Variants in IFRD2 observed in about 807,000 individuals in gnomAD.
IFRD2 encodes the protein interferon related developmental regulator 2.
In IFRD2, 35 loss-of-function variants were observed where a neutral mutation model predicts 49.2. The observed-to-expected ratio is 0.71, with a 90% CI of 0.54 to 0.94. The LOEUF (loss-of-function observed/expected upper bound fraction) is 0.94, where lower values mean the gene tolerates loss of function less well. IFRD2 is among the 40% of genes least tolerant of loss of function. IFRD2 has a pLI of 0.00. For missense variants in IFRD2, 561 were observed against 591.6 expected, an observed-to-expected ratio of 0.95 and a Z score of 0.54; for synonymous variants, 275 against 239.7, an observed-to-expected ratio of 1.15 and a Z score of -1.36.
chr3:50,290,128 T>G, intron 4 of IFRD2, 42 bp from the exon 5 acceptor site: 3 of 1,612,654 alleles, frequency 1.9e-6, no homozygotes, highest in Non-Finnish European at 2.5e-6. Flanking sequence ...CAAGGGCCAG[T>G]GTCTGCCCAG....
chr3:50,290,232 G>A lies in IFRD2; in HGVS notation c.326C>T (p.Pro109Leu). ...GAGGCGGCGCTCCAGCAAGAAGTCG[G>A]GGAGTAGGCGGGACGCTAGGGCCAG... ...LRLALASRLL[P>L]DFLLERRLTL... Residue 109 changes from proline to leucine, a missense_variant, in exon 4 of 12, where the codon CCC (proline) becomes CTC (leucine). Coordinates refer to ENST00000417626, the MANE Select transcript of IFRD2 (RefSeq NM_006764.5). 3.1e-6 allele frequency: 5 copies of A among 1,613,440 alleles called. No individual in the cohort carries two copies. The highest frequency in any genetic ancestry group is 1.7e-5 in the Admixed American group (1 of 59,958).
chr3:50,290,093 G>A lies in IFRD2; in HGVS notation c.389-7C>T, dbSNP rs782298767. On this transcript the variant is annotated splice_region_variant and splice_polypyrimidine_tract_variant and intron_variant, in intron 4 of 11. Coordinates refer to ENST00000417626, the MANE Select transcript of IFRD2 (RefSeq NM_006764.5). ...GCTTGTTCCTCGCCCTTCCCTGTGG[G>A]ATGCTTTCCAGTCAGCCCATGCAGC... 121 of 1,613,316 alleles carry A rather than the reference G, an allele frequency of 7.5e-5. 1 individual carries two copies. In the South Asian group the frequency reaches 1.3e-3, roughly 17 times the overall value.
In IFRD2 at chr3:50,292,209, C is replaced by T. The variant is rs1553709894; in HGVS notation, c.58+8G>A. On this transcript the variant is annotated splice_region_variant and intron_variant, in intron 1 of 11. Transcript: ENST00000417626. ...ATACAGCTGTCCCGCGCCCCCCACCCCACTCACCTCCTCCACGGCGCTGAC... is the reference window on the plus strand; with the variant it reads ...ATACAGCTGTCCCGCGCCCCCCACCTCACTCACCTCCTCCACGGCGCTGAC... 6.8e-7 allele frequency: 1 copy of T among 1,461,736 alleles called. No homozygotes were observed. The highest frequency in any genetic ancestry group is 2.5e-5 in the East Asian group (1 of 39,820). 90.5% of individuals were successfully genotyped at this position (1,461,736 alleles called of 1,614,324 possible).
At position 50,288,044 on chromosome 3, in the gene IFRD2, C is replaced by T; in HGVS notation, c.*147G>A. 1 of 722,082 alleles carries T rather than the reference C, an allele frequency of 1.4e-6. No individual in the cohort carries two copies. Among genetic ancestry groups the T allele is most frequent in the Non-Finnish European group, 2.4e-6 (1 of 422,078 alleles). The allele number at this position is 722,082 out of a possible 1,614,324, so 44.7% of individuals were successfully genotyped here. On this transcript the variant is annotated 3_prime_UTR_variant, in exon 12 of 12. Transcript: ENST00000417626. ...GGGTCAGGGTCCCAAGTGTCCGGGC[C>T]CCCAGCTACCCACCCCATGTCTGTT... is the stretch of plus-strand genomic sequence containing the variant.
At chr3:50,290,330 G>C in intron 3 of IFRD2, 36 bp from the exon 4 acceptor site, 1 of 1,604,368 alleles carries the variant, frequency 6.2e-7, no homozygotes, top group Non-Finnish European at 8.5e-7. Context: ...ATATGGGCCA[G>C]CCCTCCCTTG....
chr3:50,292,007 C>A, intron 1 of IFRD2: 2 of 567,542 alleles, frequency 3.5e-6, no homozygotes, highest in South Asian at 5.5e-5. Context: ...AGCGCGGACT[C>A]CCAACAGGCA....
intron 5 of IFRD2, 32 bp downstream of exon 5, chr3:50,289,897 G>C (rs754748974): frequency 6.2e-7 from 1 of 1,611,700 alleles, no homozygotes; most frequent in Non-Finnish European, 8.5e-7. Context: ...ATAAGGTGCA[G>C]GAAGGGTTTC....
In IFRD2 at chr3:50,290,046, G is replaced by T. The variant is rs782760429; in HGVS notation, c.429C>A (p.Gly143=). Residue 143 remains glycine, a synonymous_variant, in exon 5 of 12, where the codon GGC becomes GGA. Coordinates refer to ENST00000417626, the MANE Select transcript of IFRD2 (RefSeq NM_006764.5). ...EEQALAAAVL[G]LLCVQLGPGP... ...CAGGGCCCAGCTGCACGCAGAGCAG[G>T]CCTAGCACAGCAGCAGCCAGGGCTT... 1 of 1,613,754 alleles carries T rather than the reference G, an allele frequency of 6.2e-7. No individual in the cohort carries two copies. Among genetic ancestry groups the T allele is most frequent in the Middle Eastern group, 1.6e-4 (1 of 6,062 alleles).
rs1701628992 is a variant in IFRD2, at chr3:50,289,531, T to C, written c.695A>G (p.His232Arg). 6.3e-7 allele frequency: 1 copy of C among 1,581,952 alleles called. No individual in the cohort carries two copies. The highest frequency in any genetic ancestry group is 8.6e-7 in the Non-Finnish European group (1 of 1,164,654). The change falls in exon 7 of 12, where the codon CAC becomes CGC. Residue 232 changes from histidine (H) to arginine (R), a missense_variant. His to Arg is a conservative substitution (Grantham distance 29, BLOSUM62 0). Coordinates refer to ENST00000417626, the MANE Select transcript of IFRD2 (RefSeq NM_006764.5). ...CTGCAGGGCAGCAGAGAGCAGGCCG[T>C]GCAGGCTGGCAGGAACCACAGGACT... is the stretch of plus-strand genomic sequence containing the variant. The part of the protein sequence containing the change: ...STSPVVPASL[H>R]GLLSAALQAW...
chr3:50,289,943 C>G lies in IFRD2; in HGVS notation c.532G>C (p.Ala178Pro). The G allele has an allele frequency of 6.2e-7, 1 of 1,613,128 alleles. No individual in the cohort carries two copies. Among genetic ancestry groups the G allele is most frequent in the Non-Finnish European group, 8.5e-7 (1 of 1,179,636 alleles). Residue 178 changes from alanine (A) to proline (P), a missense_variant, in exon 5 of 12, where the codon GCT becomes CCT. Ala to Pro is a conservative substitution (Grantham distance 27, BLOSUM62 -1). Transcript: ENST00000417626. Reference protein sequence around the residue: ...SVLSDSTASPAARLHCASALG... With the variant: ...SVLSDSTASPPARLHCASALG... Reference sequence around the variant, plus strand: ...GGCACACTCACGTGGAGCCGGGCAGCAGGGCTAGCTGTGCTGTCACTGAGC... The same window carrying G: ...GGCACACTCACGTGGAGCCGGGCAGGAGGGCTAGCTGTGCTGTCACTGAGC...
rs199620289 is a variant in IFRD2, at chr3:50,290,313, G to A, written c.264-19C>T. 1 of 1,608,292 alleles carries A rather than the reference G, an allele frequency of 6.2e-7. No individual in the cohort carries two copies. Among genetic ancestry groups the A allele is most frequent in the Non-Finnish European group, 8.5e-7 (1 of 1,177,246 alleles). On this transcript the variant is annotated intron_variant, in intron 3 of 11. Transcript: ENST00000417626. ...CTTGGCACTGGGGGAGGTCGAGAAG[G>A]GGGGTCATATGGGCCAGCCCTCCCT...
At chr3:50,291,785 C>T (rs1701678746) in intron 1 of IFRD2, 2 of 179,406 alleles carry the variant, frequency 1.1e-5, no homozygotes, top group African/African-American at 2.4e-5. Flanking sequence ...GGAGTCAGGC[C>T]TGCCAAGCTG....
rs199853119 is a variant in IFRD2 at position 50,290,198 on chromosome 3, G to A, written c.360C>T (p.Ala120=). ...DFLLERRLTL[A]DALEKCLKKG... is the part of the protein sequence containing the mutation. ...TCTTGAGGCACTTTTCCAGGGCATCGGCTAGCGTGAGGCGGCGCTCCAGCA... is the reference window on the plus strand; with the variant it reads ...TCTTGAGGCACTTTTCCAGGGCATCAGCTAGCGTGAGGCGGCGCTCCAGCA... Residue 120 remains alanine (A), a synonymous_variant, in exon 4 of 12, where the codon GCC becomes GCT. Transcript: ENST00000417626. 1.5e-5 allele frequency: 24 copies of A among 1,613,826 alleles called. No individual in the cohort carries two copies. In the Middle Eastern group the frequency reaches 4.9e-4, roughly 33 times the overall value.
In IFRD2 at chr3:50,288,279, G is replaced by C; in HGVS notation, c.1249-8C>G. 1 of 1,613,440 alleles carries C rather than the reference G, an allele frequency of 6.2e-7. No homozygotes were observed. Among genetic ancestry groups the C allele is most frequent in the Non-Finnish European group, 8.5e-7 (1 of 1,179,464 alleles). ...AGCAGCATTGTACAGGTGCTAGAGTGGGGACAGAGAGTGACACCCTGGGGA... is the reference window on the plus strand; with the variant it reads ...AGCAGCATTGTACAGGTGCTAGAGTCGGGACAGAGAGTGACACCCTGGGGA... On this transcript the variant is annotated splice_polypyrimidine_tract_variant and splice_region_variant and intron_variant, in intron 11 of 11. Transcript: ENST00000417626.
In IFRD2 at chr3:50,289,292, GT is replaced by G. The variant is rs1269748974; in HGVS notation, c.847del (p.Thr283ProfsTer67). On this transcript the variant is annotated frameshift_variant, in exon 8 of 12. Transcript: ENST00000417626. LOFTEE classifies it high-confidence loss of function. ...SVNLRIAAGE[T>X]IALLFELARD... ...GGCAAGCTCAAAGAGCAGTGCAATG[GT>G]TTCACCGGCAGCGATCCGCAGGTTC... is the stretch of plus-strand genomic sequence containing the variant. The G allele has an allele frequency of 1.3e-6, 2 of 1,594,124 alleles. No homozygotes were observed. The highest frequency in any genetic ancestry group is 1.7e-6 in the Non-Finnish European group (2 of 1,170,684).
intron 1 of IFRD2, chr3:50,291,891 A>G (rs1701682817): frequency 5.7e-6 from 2 of 347,856 alleles, no homozygotes; most frequent in Non-Finnish European, 1.0e-5. Context: ...CCAGTCCAGG[A>G]AAGGATCAGG....
chr3:50,290,647 A>T lies in IFRD2; in HGVS notation c.91T>A (p.Ser31Thr). 1 of 1,613,966 alleles carries T rather than the reference A, an allele frequency of 6.2e-7. No individual in the cohort carries two copies. The highest frequency in any genetic ancestry group is 8.5e-7 in the Non-Finnish European group (1 of 1,179,880). The change falls in exon 2 of 12, where the codon TCC becomes ACC. Residue 31 changes from serine to threonine, a missense_variant. By Grantham distance (58) the Ser-to-Thr change is moderately conservative. Coordinates refer to ENST00000417626, the MANE Select transcript of IFRD2 (RefSeq NM_006764.5). Reference sequence around the variant, plus strand: ...TCACTGGCTGCCTCATCGTCACTGGAACCCGAGTCAGCTTGGGCACTGCTC... The same window carrying T: ...TCACTGGCTGCCTCATCGTCACTGGTACCCGAGTCAGCTTGGGCACTGCTC... ...ARSSAQADSG[S>T]SDDEAASEAR...
Position 50,288,397 on chromosome 3 carries a change from A to C in IFRD2, c.1248+12T>G, listed in dbSNP as rs1553708951. On this transcript the variant is annotated intron_variant, in intron 11 of 11. Coordinates refer to ENST00000417626, the MANE Select transcript of IFRD2 (RefSeq NM_006764.5). The stretch of plus-strand genomic sequence containing the variant: ...GAATAGGGGGAAGAGAAAGGTGCCC[A>C]AGGGTGCAAACCTTCTCAAAGCGTG... The C allele has an allele frequency of 6.2e-7, 1 of 1,610,808 alleles. No individual in the cohort carries two copies. Among genetic ancestry groups the C allele is most frequent in the Non-Finnish European group, 8.5e-7 (1 of 1,178,390 alleles).
At chr3:50,289,859 TA>T in intron 5 of IFRD2, 69 bp downstream of exon 5, 2 of 1,598,672 alleles carry the variant, frequency 1.3e-6, no homozygotes, top group Admixed American at 1.8e-5. Context: ...AGGCTGAAGA[TA>T]GGGGGAACCC....
Sources: allele counts gnomAD v4.1 joint callset, GRCh38; gene constraint gnomAD v4.1.1; transcripts MANE v1.5; gene names NCBI Gene and HGNC (gene_info 2026-07-23, HGNC 2026-07-21).